LAMA2: variants seen among roughly 807,000 people sequenced by gnomAD.
LAMA2 encodes the protein laminin subunit alpha-2.
In LAMA2, 269 loss-of-function variants were observed where a neutral mutation model predicts 364.8. The observed-to-expected ratio is 0.74, with a 90% confidence interval of 0.67 to 0.82. LAMA2 has a LOEUF of 0.82. Among genes scored for constraint, LAMA2 ranks in the 40% least tolerant of loss-of-function variants. LAMA2 has a pLI of 0.00. For missense variants in LAMA2, 3,807 were observed against 3,873.2 expected (o/e 0.98, Z 0.45); for synonymous variants, 1,379 against 1,370.6 (o/e 1.01, Z -0.14).
chr6:129,362,865 TGGGAGAAGACCAA>T (rs1054378275), intron 32 of LAMA2, among the ~76,000 whole-genome samples: 1 of 151,986 alleles, frequency 6.6e-6, no homozygotes, highest in African/African-American at 2.4e-5. Context: ...AGGAACCAGG[TGGGAGAAGACCAA>T]GGGAGAAGAA....
At chr6:129,104,374 A>G (rs915252127) in intron 4 of LAMA2, among the ~76,000 whole-genome samples, 1 of 152,228 alleles carries the variant, frequency 6.6e-6, no homozygotes, top group African/African-American at 2.4e-5. Context: ...ATTGTTACAC[A>G]CTAGTTAGAC....
chr6:129,060,029 C>T (rs1788788313), intron 3 of LAMA2, 133 bp downstream of exon 3: 1 of 689,252 alleles, frequency 1.5e-6, no homozygotes, highest in African/African-American at 1.8e-5. Flanking sequence ...ATAAGATGAA[C>T]AAAGGGTCCT....
chr6:129,476,954 T>G lies in LAMA2; in HGVS notation c.7451+1553T>G, dbSNP rs149546680. Among the ~76,000 whole-genome samples the G allele has an allele frequency of 8.4e-3, 1,278 of 152,300 alleles. 12 individuals are homozygous for G. Among genetic ancestry groups the G allele is most frequent in the Non-Finnish European group, 0.014 (950 of 68,020 alleles). On this transcript the variant is annotated intron_variant, in intron 53 of 64. Coordinates refer to ENST00000421865, the MANE Select transcript of LAMA2 (RefSeq NM_000426.4). The stretch of plus-strand genomic sequence containing the variant: ...TGATATACACTGCCAAGGTCTAATT[T>G]GTTTTTCCACCTGTTTTTCCTCATG...
chr6:129,106,161 T>A (rs1775809598), intron 4 of LAMA2, among the ~76,000 whole-genome samples: 2 of 152,076 alleles, frequency 1.3e-5, no homozygotes, highest in African/African-American at 4.8e-5. Context: ...CACTTTTTTT[T>A]TTTTTTGTAA....
At chr6:129,229,412 G>A (rs963137875) in intron 12 of LAMA2, among the ~76,000 whole-genome samples, 1 of 152,142 alleles carries the variant, frequency 6.6e-6, no homozygotes, top group African/African-American at 2.4e-5. Context: ...AGACCCTCAA[G>A]GATGGGGTAA....
At chr6:129,328,651 C>T (rs957879542) in intron 29 of LAMA2, among the ~76,000 whole-genome samples, 4 of 152,092 alleles carry the variant, frequency 2.6e-5, no homozygotes, top group African/African-American at 9.7e-5. Context: ...TAGAAGAGCA[C>T]CAGAAGACAT....
intron 1 of LAMA2, among the ~76,000 whole-genome samples, chr6:129,022,076 T>C (rs1478255658): frequency 6.6e-6 from 1 of 152,188 alleles, no homozygotes; most frequent in Middle Eastern, 3.2e-3. Flanking sequence ...TAAAAATCTC[T>C]CCTGCAAGAC....
chr6:129,288,606 T>C (rs1288844127), intron 19 of LAMA2, among the ~76,000 whole-genome samples: 1 of 152,216 alleles, frequency 6.6e-6, no homozygotes, highest in Non-Finnish European at 1.5e-5. Flanking sequence ...ATAATAGTCA[T>C]TTAAGGACTA....
chr6:129,015,355 A>G (rs1785005614), intron 1 of LAMA2, among the ~76,000 whole-genome samples: 1 of 152,110 alleles, frequency 6.6e-6, no homozygotes, highest in Non-Finnish European at 1.5e-5. Flanking sequence ...AGGAGCCCTC[A>G]CTTAGAACCC....
intron 4 of LAMA2, among the ~76,000 whole-genome samples, chr6:129,103,823 A>G (rs1054602879): frequency 1.3e-5 from 2 of 152,080 alleles, no homozygotes; most frequent in South Asian, 4.1e-4. Context: ...TTATGGTTAC[A>G]TAGTAGGTGT....
At chr6:129,307,730 AG>A (rs984573267) in intron 22 of LAMA2, among the ~76,000 whole-genome samples, 9 of 152,248 alleles carry the variant, frequency 5.9e-5, no homozygotes, top group African/African-American at 2.2e-4. Context: ...AACTAAGAAG[AG>A]GCTGTTCAAA....
At chr6:129,081,541 G>A (rs776825349) in intron 3 of LAMA2, among the ~76,000 whole-genome samples, 1 of 152,126 alleles carries the variant, frequency 6.6e-6, no homozygotes, top group Non-Finnish European at 1.5e-5. Context: ...GAAATTGTAG[G>A]TCCTTGATCG....
rs374824990 is a variant in LAMA2, at chr6:129,190,354, G to C, written c.1608+9G>C. On this transcript the variant is annotated intron_variant, in intron 11 of 64. Transcript: ENST00000421865. Reference sequence around the variant, plus strand: ...ACTGGACCTATGGCAAAGTAAGCAAGCACCATTTGGTTCTGTTTGCTGCCC... The same window carrying C: ...ACTGGACCTATGGCAAAGTAAGCAACCACCATTTGGTTCTGTTTGCTGCCC... The C allele has an allele frequency of 1.3e-5, 21 of 1,612,576 alleles. No homozygotes were observed. The highest frequency in any genetic ancestry group is 1.7e-5 in the Non-Finnish European group (20 of 1,178,950).
intron 12 of LAMA2, among the ~76,000 whole-genome samples, chr6:129,202,439 G>C (rs1266098543): frequency 6.6e-6 from 1 of 152,070 alleles, no homozygotes; most frequent in African/African-American, 2.4e-5. Context: ...AAGAGGTTGA[G>C]GATGCTGCCT....
chr6:128,909,534 G>A (rs1777745290), intron 1 of LAMA2, among the ~76,000 whole-genome samples: 1 of 147,434 alleles, frequency 6.8e-6, no homozygotes, highest in African/African-American at 2.5e-5. Flanking sequence ...GTGTGTCTCT[G>A]CACGTGAGAT....
At chr6:129,108,516 C>T (rs575939537) in intron 4 of LAMA2, among the ~76,000 whole-genome samples, 2 of 152,192 alleles carry the variant, frequency 1.3e-5, no homozygotes, top group East Asian at 3.9e-4. Flanking sequence ...GAAAGTAACC[C>T]ACATTTAGAG....
intron 12 of LAMA2, among the ~76,000 whole-genome samples, chr6:129,241,010 C>G (rs1218385016): frequency 6.6e-6 from 1 of 152,120 alleles, no homozygotes; most frequent in African/African-American, 2.4e-5. Context: ...TAGGTAAGCT[C>G]AAATCACAGA....
intron 1 of LAMA2, among the ~76,000 whole-genome samples, chr6:129,026,223 G>A (rs1463309782): frequency 1.1e-5 from 1 of 93,362 alleles, no homozygotes; most frequent in African/African-American, 2.6e-5. Context: ...AATAAAATAA[G>A]TGTTTTGACA....
intron 29 of LAMA2, among the ~76,000 whole-genome samples, chr6:129,336,632 G>A (rs537125329): frequency 8.5e-5 from 13 of 152,324 alleles, no homozygotes; most frequent in African/African-American, 3.1e-4. Flanking sequence ...TCATAAAACA[G>A]CAGAGGCCAT....
Sources: allele counts gnomAD v4.1 joint callset (sites outside exome capture counted in the v4.1 genomes callset), GRCh38; gene constraint gnomAD v4.1.1; transcripts MANE v1.5; gene names NCBI Gene and HGNC (gene_info 2026-07-23, HGNC 2026-07-21).